The following VRTN variants were observed in gnomAD, a reference collection of about 807,000 sequenced individuals.
The protein encoded by VRTN is vertebrae development associated, also known as vertnin.
VRTN carries 5 observed loss-of-function variants against 18.2 expected under a neutral mutation model. The observed-to-expected ratio is 0.27, with a 90% CI of 0.14 to 0.58. The LOEUF is 0.58. Among genes scored for constraint, VRTN ranks in the 20% least tolerant of loss-of-function variants. The pLI, the probability that VRTN is intolerant of heterozygous loss-of-function variation, is 0.91. For missense variants in VRTN, 741 were observed against 939.4 expected, an observed-to-expected ratio of 0.79 and a Z score of 2.76; for synonymous variants, 381 against 393.7, an observed-to-expected ratio of 0.97 and a Z score of 0.38.
At position 74,357,020 on chromosome 14, in the gene VRTN, C is replaced by T. The variant is rs553709773; in HGVS notation, c.237C>T (p.Cys79=). ...DAPRNMLPLV[C]KGEGSLLFEA... is the part of the protein sequence containing the mutation. ...CACGGAACATGCTGCCGCTGGTGTG[C>T]AAGGGGGAGGGCAGCCTGCTGTTCG... The change falls in exon 2 of 2, where the codon TGC becomes TGT. Residue 79 remains cysteine (C), a synonymous_variant. Coordinates refer to ENST00000256362, the MANE Select transcript of VRTN (RefSeq NM_018228.3). This position sits in a 1 kb window ranked among gnomAD's most constrained non-coding sequence, Gnocchi z 7.8. 266 of 1,609,450 alleles carry T rather than the reference C, an allele frequency of 1.7e-4. 1 individual carries two copies. The South Asian group carries it at 2.6e-3, about 16-fold the overall frequency.
At chr14:74,340,110 A>ATTTTTTTTTTTTTT (rs71115984) in intron 2 of VRTN, among the ~76,000 whole-genome samples, 2 of 113,222 alleles carry the variant, frequency 1.8e-5, no homozygotes, top group Non-Finnish European at 3.5e-5. Context: ...TAATGTTTGT[A>ATTTTTTTTTTTTTT]TTTTTTTTTT....
In VRTN at chr14:74,315,591, T is replaced by C. The variant is rs145521014; in HGVS notation, c.-164+12415T>C. Among the ~76,000 whole-genome samples the C allele has an allele frequency of 6.3e-3, 967 of 152,294 alleles. 10 individuals are homozygous for C. The highest frequency in any genetic ancestry group is 0.02 in the African/African-American group (816 of 41,554). On this transcript the variant is annotated intron_variant, in intron 1 of 2. Coordinates refer to the VRTN transcript ENST00000557177. ...GCATTTACTGAGTAACTACTCTGTA[T>C]GTGCCAGGCATAGGTGCTGGAGATA...
chr14:74,328,993 G>T (rs1040518543), intron 1 of VRTN, among the ~76,000 whole-genome samples: 2 of 151,802 alleles, frequency 1.3e-5, no homozygotes, highest in African/African-American at 2.4e-5. Flanking sequence ...AATTGGGGCT[G>T]GGCACGGTGG....
At chr14:74,333,180 C>G (rs192969822) in intron 1 of VRTN, among the ~76,000 whole-genome samples, 1 of 151,890 alleles carries the variant, frequency 6.6e-6, no homozygotes. Context: ...GTCGGGAGTT[C>G]GAGACCAGCC....
rs1468098475 is a variant in VRTN at position 74,356,716 on chromosome 14, C to T, written c.-1-67C>T. ...GGAGAAAGTGCAGGAGTGGACAGGG[C>T]ACCTTTGCTAGTCATCATCTGGGCA... On this transcript the variant is annotated intron_variant, in intron 1 of 1. Transcript: ENST00000256362. 4.0e-6 allele frequency: 6 copies of T among 1,505,958 alleles called. No individual in the cohort carries two copies. The African/African-American group carries it at 4.2e-5, about 11-fold the overall frequency. The allele number at this position is 1,505,958 out of a possible 1,614,324, so 93.3% of individuals were successfully genotyped here.
Position 74,342,666 on chromosome 14 carries a change from C to G in VRTN, c.-2+4782C>G, listed in dbSNP as rs7147289. On this transcript the variant is annotated intron_variant, in intron 2 of 2. Coordinates refer to the VRTN transcript ENST00000557177. ...TTTTTTTTTTTCCTTGAGACAGGGT[C>G]TCACTCTGTCACCCAGACTGGATTG... is the stretch of plus-strand genomic sequence containing the variant. Among the ~76,000 whole-genome samples the G allele has an allele frequency of 7.0e-3, 1,057 of 151,502 alleles. 11 individuals are homozygous for G. The highest frequency in any genetic ancestry group is 0.024 in the African/African-American group (1,002 of 41,320).
intron 1 of VRTN, among the ~76,000 whole-genome samples, chr14:74,322,105 C>A (rs997679044): frequency 2.6e-5 from 4 of 151,188 alleles, no homozygotes; most frequent in African/African-American, 9.7e-5. Context: ...CTTGGCCTCC[C>A]AAAGTGCTGG....
chr14:74,356,766 A>T lies in VRTN; in HGVS notation c.-1-17A>T. On this transcript the variant is annotated splice_polypyrimidine_tract_variant and intron_variant, in intron 1 of 1. Transcript: ENST00000256362. ...ACTTCGACCTGACTACTGCCCCTTT[A>T]TCTTTTGCCCTGGCAGGATGACTTC... is the stretch of plus-strand genomic sequence containing the variant. 6.4e-7 allele frequency: 1 copy of T among 1,567,044 alleles called. No individual in the cohort carries two copies. The highest frequency in any genetic ancestry group is 8.7e-7 in the Non-Finnish European group (1 of 1,155,264).
chr14:74,332,366 T>A (rs1435420648), intron 1 of VRTN, among the ~76,000 whole-genome samples: 2 of 89,800 alleles, frequency 2.2e-5, no homozygotes, highest in Non-Finnish European at 4.2e-5. Flanking sequence ...TTTTTTTTTT[T>A]TTTTTTTTTT....
intron 1 of VRTN, among the ~76,000 whole-genome samples, chr14:74,328,779 C>T (rs2085503153): frequency 6.6e-6 from 1 of 152,196 alleles, no homozygotes; most frequent in Non-Finnish European, 1.5e-5. Flanking sequence ...GGGTGGATCA[C>T]CTGAGGTCAG....
intron 1 of VRTN, among the ~76,000 whole-genome samples, chr14:74,317,497 C>A (rs1186947443): frequency 6.6e-6 from 1 of 152,136 alleles, no homozygotes; most frequent in Non-Finnish European, 1.5e-5. Context: ...CAAATAATTA[C>A]TTGGTCCAAA....
rs759451005 is a variant in VRTN, at chr14:74,358,937, A to C, written c.*45A>C. Reference sequence around the variant, plus strand: ...CTGGGAAGAAGGGGGACCAGTTTGGAGAGGGTCAGGGACCTGAGCTGACCC... The same window carrying C: ...CTGGGAAGAAGGGGGACCAGTTTGGCGAGGGTCAGGGACCTGAGCTGACCC... On this transcript the variant is annotated 3_prime_UTR_variant, in exon 2 of 2. Transcript: ENST00000256362. This position sits in a 1 kb window ranked among gnomAD's most constrained non-coding sequence, Gnocchi z 5.4. 16 of 1,566,662 alleles carry C rather than the reference A, an allele frequency of 1.0e-5. No individual in the cohort carries two copies. The highest frequency in any genetic ancestry group is 1.2e-5 in the Non-Finnish European group (14 of 1,156,006).
chr14:74,332,913 C>T (rs990097512), intron 1 of VRTN, among the ~76,000 whole-genome samples: 2 of 152,158 alleles, frequency 1.3e-5, no homozygotes, highest in African/African-American at 4.8e-5. Flanking sequence ...TGGGTCTCAG[C>T]TCCTCAGTGT....
At chr14:74,311,381 T>A (rs577581400) in intron 1 of VRTN, among the ~76,000 whole-genome samples, 1 of 151,946 alleles carries the variant, frequency 6.6e-6, no homozygotes, top group African/African-American at 2.4e-5. Flanking sequence ...ACACAAATAC[T>A]CCTTTTCCTT....
At chr14:74,336,815 C>T (rs2085568028) in intron 1 of VRTN, among the ~76,000 whole-genome samples, 1 of 152,126 alleles carries the variant, frequency 6.6e-6, no homozygotes, top group Admixed American at 6.6e-5. Flanking sequence ...CGCTATTTTC[C>T]TCTAGGTGAC....
chr14:74,355,014 C>T (rs1435730443), intron 1 of VRTN, among the ~76,000 whole-genome samples: 2 of 151,684 alleles, frequency 1.3e-5, no homozygotes, highest in African/African-American at 2.4e-5. Context: ...TGGTGGCATG[C>T]GCCTGTAATC....
chr14:74,320,690 G>A (rs1214007311), intron 1 of VRTN, among the ~76,000 whole-genome samples: 17 of 132,702 alleles, frequency 1.3e-4, no homozygotes, highest in South Asian at 4.9e-4. Context: ...GGGTTCAAGC[G>A]ATTCTCCTGC....
Position 74,359,151 on chromosome 14 carries a change from AT to A in VRTN, c.*262del. 4.7e-6 allele frequency: 3 copies of A among 642,428 alleles called. No homozygotes were observed. The highest frequency in any genetic ancestry group is 6.8e-6 in the Non-Finnish European group (3 of 440,414). The allele number at this position is 642,428 out of a possible 1,614,324, so 39.8% of individuals were successfully genotyped here. ...TGCTGGTCATATTTTTACTGTTATG[AT>A]TTAGTTTTTGGTTTTGATTTGAGTG... On this transcript the variant is annotated 3_prime_UTR_variant, in exon 2 of 2. Transcript: ENST00000256362.
chr14:74,332,983 G>T (rs746473500), intron 1 of VRTN, among the ~76,000 whole-genome samples: 4 of 152,146 alleles, frequency 2.6e-5, no homozygotes, highest in Non-Finnish European at 5.9e-5. Flanking sequence ...TCGGGTTATG[G>T]TTATTTGGAT....
Sources: gnomAD v4.1 joint callset for allele counts (sites outside exome capture counted in the v4.1 genomes callset) on GRCh38, gnomAD v4.1.1 for gene constraint, Gnocchi (gnomAD v3.1) non-coding constraint, MANE v1.5 for transcripts, NCBI Gene and HGNC (gene_info 2026-07-23, HGNC 2026-07-21) for gene names.